Variants in CADM3 observed in about 807,000 individuals in gnomAD.
CADM3 encodes the protein TSLC1-like 1.
CADM3 carries 11 observed loss-of-function variants against 44.9 expected under a neutral mutation model. That is an observed-to-expected ratio of 0.25 (90% CI 0.15 to 0.41). The LOEUF (loss-of-function observed/expected upper bound fraction) is 0.41, where lower values mean the gene tolerates loss of function less well. Ranked by LOEUF, CADM3 falls within the 10% of genes least tolerant of loss-of-function variation. The pLI, the probability that CADM3 is intolerant of heterozygous loss-of-function variation, is 1.00. For synonymous variants in CADM3, 207 were observed against 205.2 expected (o/e 1.01, Z -0.08); for missense variants, 426 against 512.0 (o/e 0.83, Z 1.62).
intron 1 of CADM3, among the ~76,000 whole-genome samples, chr1:159,186,979 T>A (rs769008437): frequency 6.6e-6 from 1 of 152,190 alleles, no homozygotes; most frequent in Non-Finnish European, 1.5e-5. Flanking sequence ...CAGTTTGGTT[T>A]GAATGATCTA....
Position 159,193,292 on chromosome 1 carries a change from A to G in CADM3, c.383-131A>G, listed in dbSNP as rs192930047. ...AGGAGATCAAAAAGAAAGATGATTTATCTAGTCTTCTACCCATCAGAAATT... is the reference window on the plus strand; with the variant it reads ...AGGAGATCAAAAAGAAAGATGATTTGTCTAGTCTTCTACCCATCAGAAATT... On this transcript the variant is annotated intron_variant, in intron 3 of 8. Coordinates refer to ENST00000368125, the MANE Select transcript of CADM3 (RefSeq NM_001127173.3). The G allele has an allele frequency of 9.7e-4, 954 of 987,244 alleles. 5 individuals are homozygous for G. The highest frequency in any genetic ancestry group is 5.7e-3 in the Middle Eastern group (17 of 2,974). 61.2% of individuals were successfully genotyped at this position (987,244 alleles called of 1,614,324 possible).
chr1:159,184,762 T>G (rs984063023), intron 1 of CADM3, among the ~76,000 whole-genome samples: 1 of 152,268 alleles, frequency 6.6e-6, no homozygotes, highest in African/African-American at 2.4e-5. Context: ...TTTGAGTTAC[T>G]CATTTATTTA....
intron 1 of CADM3, among the ~76,000 whole-genome samples, chr1:159,172,216 G>A (rs1190335448): frequency 6.6e-6 from 1 of 152,148 alleles, no homozygotes; most frequent in Non-Finnish European, 1.5e-5. Flanking sequence ...CTGTGTGTAT[G>A]TCTGTGTCAG....
intron 5 of CADM3, 159 bp downstream of exon 5, chr1:159,194,199 CTT>C (rs1649796791): frequency 1.5e-6 from 1 of 686,204 alleles, no homozygotes; most frequent in African/African-American, 1.8e-5. Context: ...TTGGCAAACT[CTT>C]TACAGAGGGC....
Position 159,197,199 on chromosome 1 carries a change from C to T in CADM3, c.952+139C>T, listed in dbSNP as rs1649941486. The T allele has an allele frequency of 6.1e-6, 5 of 822,766 alleles. No individual in the cohort carries two copies. In the East Asian group the frequency reaches 1.1e-4, roughly 18 times the overall value. 51.0% of individuals were successfully genotyped at this position (822,766 alleles called of 1,614,324 possible). The stretch of plus-strand genomic sequence containing the variant: ...GGAAAACCAGCCCACCACTGGGGTC[C>T]CTGAGGGCTTAGGTCCCAGGTCCAC... On this transcript the variant is annotated intron_variant, in intron 7 of 8. Coordinates refer to ENST00000368125, the MANE Select transcript of CADM3 (RefSeq NM_001127173.3).
intron 1 of CADM3, among the ~76,000 whole-genome samples, chr1:159,191,663 A>G (rs889114172): frequency 5.3e-5 from 8 of 152,226 alleles, no homozygotes; most frequent in African/African-American, 1.9e-4. Context: ...TTACTCCTCT[A>G]AATGTTCGTG....
chr1:159,200,543 C>T lies in CADM3; in HGVS notation c.1079-261C>T, dbSNP rs1010500341. The stretch of plus-strand genomic sequence containing the variant: ...GCACACACACACACACACACACACA[C>T]ACACACACACACTTCTCTTTCTTGC... On this transcript the variant is annotated intron_variant, in intron 8 of 8. Coordinates refer to ENST00000368125, the MANE Select transcript of CADM3 (RefSeq NM_001127173.3). 8.3e-4 allele frequency among the ~76,000 whole-genome samples: 116 copies of T among 139,844 alleles called. No individual in the cohort carries two copies. Among genetic ancestry groups the T allele is most frequent in the Non-Finnish European group, 1.3e-3 (76 of 59,950 alleles). The allele number at this position is 139,844 out of a possible 152,430, so 91.7% of individuals were successfully genotyped here. A position where few individuals can be genotyped will look rare whatever the true frequency, so the allele number is the denominator to read the frequency against.
chr1:159,178,113 GT>G (rs1307135945), intron 1 of CADM3, among the ~76,000 whole-genome samples: 1 of 152,226 alleles, frequency 6.6e-6, no homozygotes, highest in East Asian at 1.9e-4. Flanking sequence ...GTAAATAGTT[GT>G]TTTACTGTAT....
chr1:159,171,708 C>G lies in CADM3; in HGVS notation c.-58C>G. Reference sequence around the variant, plus strand: ...TCGTAGTCCACCCCCTCCCCATCCCCAGCCCCCGGGGATTCAGGCTCGCCA... The same window carrying G: ...TCGTAGTCCACCCCCTCCCCATCCCGAGCCCCCGGGGATTCAGGCTCGCCA... On this transcript the variant is annotated 5_prime_UTR_variant, in exon 1 of 9. Transcript: ENST00000368125. 1 of 1,191,142 alleles carries G rather than the reference C, an allele frequency of 8.4e-7. No homozygotes were observed. Among genetic ancestry groups the G allele is most frequent in the East Asian group, 3.2e-5 (1 of 31,464 alleles). 73.8% of individuals were successfully genotyped at this position (1,191,142 alleles called of 1,614,324 possible).
Position 159,191,970 on chromosome 1 carries a change from G to A in CADM3, c.123G>A (p.Val41=). 1 of 1,614,132 alleles carries A rather than the reference G, an allele frequency of 6.2e-7. No individual in the cohort carries two copies. Among genetic ancestry groups the A allele is most frequent in the Non-Finnish European group, 8.5e-7 (1 of 1,180,016 alleles). Residue 41 remains valine (V), a synonymous_variant, in exon 2 of 9, where the codon GTG becomes GTA. Coordinates refer to ENST00000368125, the MANE Select transcript of CADM3 (RefSeq NM_001127173.3). ...CCTGGACATCTGATGAAACAGTGGT[G>A]GCTGGTGGCACCGTGGTGCTCAAGT... is the stretch of plus-strand genomic sequence containing the variant. The part of the protein sequence containing the change: ...SQPWTSDETV[V]AGGTVVLKCQ...
intron 1 of CADM3, among the ~76,000 whole-genome samples, chr1:159,184,368 C>G (rs939312554): frequency 2.0e-5 from 3 of 152,180 alleles, no homozygotes; most frequent in Non-Finnish European, 4.4e-5. Flanking sequence ...TCATGGTAGT[C>G]GTGAGGAATA....
At chr1:159,191,897 A>C (rs1212240728) in intron 1 of CADM3, 39 bp from the exon 2 acceptor site, 1 of 1,612,414 alleles carries the variant, frequency 6.2e-7, no homozygotes. Context: ...AGGAGGGGCT[A>C]GGGGTCCTCA....
At chr1:159,188,736 G>A (rs748493421) in intron 1 of CADM3, among the ~76,000 whole-genome samples, 4 of 152,182 alleles carry the variant, frequency 2.6e-5, no homozygotes, top group Non-Finnish European at 5.9e-5. Context: ...AGGGACTTAG[G>A]CCATTGGGTA....
At chr1:159,200,110 A>G (rs1198748840) in intron 8 of CADM3, among the ~76,000 whole-genome samples, 2 of 152,142 alleles carry the variant, frequency 1.3e-5, no homozygotes, top group Non-Finnish European at 2.9e-5. Context: ...AGTGAAATCA[A>G]ACCTTCCCAC....
intron 1 of CADM3, among the ~76,000 whole-genome samples, chr1:159,180,773 A>G (rs1230618550): frequency 6.6e-6 from 1 of 152,182 alleles, no homozygotes; most frequent in Non-Finnish European, 1.5e-5. Flanking sequence ...CAGTAAAAAC[A>G]AGTCAGGAAA....
rs1650218564 is a variant in CADM3 at position 159,201,687 on chromosome 1, A to G, written c.*765A>G. On this transcript the variant is annotated 3_prime_UTR_variant, in exon 9 of 9. Coordinates refer to ENST00000368125, the MANE Select transcript of CADM3 (RefSeq NM_001127173.3). ...GACTCTCACCCCATTCCCCCCGGAA[A>G]TGAACAAAGCCGGGCCCTTTCCATA... is the stretch of plus-strand genomic sequence containing the variant. The G allele has an allele frequency of 1.3e-5, 2 of 152,408 alleles. No individual in the cohort carries two copies. Among genetic ancestry groups the G allele is most frequent in the Admixed American group, 6.5e-5 (1 of 15,274 alleles). 9.4% of individuals were successfully genotyped at this position (152,408 alleles called of 1,614,324 possible).
Position 159,199,754 on chromosome 1 carries a change from C to T in CADM3, c.956C>T (p.Pro319Leu), listed in dbSNP as rs1178035001. ...TGTGTGTTGCCCTTTCTTCCAGACCCCAGTCCGGTGCCCTCCTCCTCCAGC... is the reference window on the plus strand; with the variant it reads ...TGTGTGTTGCCCTTTCTTCCAGACCTCAGTCCGGTGCCCTCCTCCTCCAGC... The part of the protein sequence containing the change: ...KAYYTLNVND[P>L]SPVPSSSSTY... The change falls in exon 8 of 9, where the codon CCC becomes CTC. Residue 319 changes from proline (P) to leucine (L), a missense_variant. Coordinates refer to ENST00000368125, the MANE Select transcript of CADM3 (RefSeq NM_001127173.3). 9 of 1,614,008 alleles carry T rather than the reference C, an allele frequency of 5.6e-6. No individual in the cohort carries two copies. Among genetic ancestry groups the T allele is most frequent in the Non-Finnish European group, 7.6e-6 (9 of 1,180,036 alleles).
intron 6 of CADM3, 137 bp downstream of exon 6, chr1:159,196,591 G>A (rs557425492): frequency 4.1e-5 from 30 of 731,274 alleles, no homozygotes; most frequent in South Asian, 3.6e-4. Flanking sequence ...AATAATGTCC[G>A]CCTGCAATTA....
chr1:159,192,747 C>T lies in CADM3; in HGVS notation c.382+17C>T. 2 of 1,607,600 alleles carry T rather than the reference C, an allele frequency of 1.2e-6. No individual in the cohort carries two copies. Among genetic ancestry groups the T allele is most frequent in the South Asian group, 1.1e-5 (1 of 90,544 alleles). On this transcript the variant is annotated intron_variant, in intron 3 of 8. Coordinates refer to ENST00000368125, the MANE Select transcript of CADM3 (RefSeq NM_001127173.3). ...CTGTGCTAGGTGAGACTCCCAAACC[C>T]CAGTGTCTCTACAGCATGCTTCCTT... is the stretch of plus-strand genomic sequence containing the variant.
Sources: gnomAD v4.1 joint callset for allele counts (sites outside exome capture counted in the v4.1 genomes callset) on GRCh38, gnomAD v4.1.1 for gene constraint, MANE v1.5 for transcripts, NCBI Gene and HGNC (gene_info 2026-07-23, HGNC 2026-07-21) for gene names.